The following TMEM132E variants were observed in gnomAD, a reference collection of about 807,000 sequenced individuals.
TMEM132E encodes transmembrane protein 132E.
TMEM132E carries 49 observed loss-of-function variants against 78.5 expected under a neutral mutation model. The observed-to-expected ratio is 0.62, with a 90% CI of 0.50 to 0.79. The LOEUF (loss-of-function observed/expected upper bound fraction) is 0.79. Among genes scored for constraint, TMEM132E ranks in the 30% least tolerant of loss-of-function variants. The probability of loss-of-function intolerance (pLI) is 0.00; values close to 1 mark genes in which losing one functional copy is unlikely to be tolerated. For synonymous variants in TMEM132E, 715 were observed against 670.6 expected (o/e 1.07, Z -1.02); for missense variants, 1,403 against 1,470.9 (o/e 0.95, Z 0.75).
At chr17:34,630,973 G>A (rs945305360) in intron 5 of TMEM132E, among the ~76,000 whole-genome samples, 3 of 152,220 alleles carry the variant, frequency 2.0e-5, no homozygotes, top group African/African-American at 7.2e-5. Context: ...AGAGTGGGCA[G>A]TGGTGTGAGC....
intron 1 of TMEM132E, among the ~76,000 whole-genome samples, chr17:34,586,157 C>G (rs1905669893): frequency 6.6e-6 from 1 of 152,156 alleles, no homozygotes; most frequent in African/African-American, 2.4e-5. Flanking sequence ...TCCCCTGATT[C>G]CTGCAGCCGA....
intron 1 of TMEM132E, among the ~76,000 whole-genome samples, chr17:34,615,519 G>A (rs1166754428): frequency 1.5e-5 from 2 of 134,890 alleles, no homozygotes; most frequent in African/African-American, 6.6e-5. Context: ...TGGCACAGAT[G>A]TGTGTGTGTG....
chr17:34,596,001 C>T (rs980857753), intron 1 of TMEM132E, among the ~76,000 whole-genome samples: 10 of 151,530 alleles, frequency 6.6e-5, no homozygotes, highest in African/African-American at 2.4e-4. Context: ...CCCTCCATTC[C>T]CCTCCCTCGG....
chr17:34,614,826 G>C (rs913278949), intron 1 of TMEM132E: 2 of 152,424 alleles, frequency 1.3e-5, no homozygotes, highest in African/African-American at 4.8e-5. Flanking sequence ...ACCCTATCCT[G>C]AACTACTCCT....
At chr17:34,620,905 AGCTGG>A (rs1291317165) in intron 1 of TMEM132E, among the ~76,000 whole-genome samples, 1 of 152,210 alleles carries the variant, frequency 6.6e-6, no homozygotes, top group Non-Finnish European at 1.5e-5. Flanking sequence ...CCTCCTGCAG[AGCTGG>A]TGAAGCCACT....
At chr17:34,585,573 C>T (rs1448043971) in intron 1 of TMEM132E, among the ~76,000 whole-genome samples, 2 of 152,206 alleles carry the variant, frequency 1.3e-5, no homozygotes, top group East Asian at 1.9e-4. Context: ...TGGCCAAGCT[C>T]ACTCTGCAAG....
chr17:34,594,848 C>T (rs999269976), intron 1 of TMEM132E, among the ~76,000 whole-genome samples: 10 of 152,320 alleles, frequency 6.6e-5, no homozygotes, highest in Middle Eastern at 3.4e-3. Context: ...GTGGTCCGCT[C>T]GCCTTAGTTT....
chr17:34,581,428 C>T (rs992232220), intron 1 of TMEM132E, among the ~76,000 whole-genome samples: 1 of 151,874 alleles, frequency 6.6e-6, no homozygotes, highest in Non-Finnish European at 1.5e-5. Context: ...GGGTCGTGTC[C>T]GCCCACGGAA....
At chr17:34,592,474 A>G (rs1476104851) in intron 1 of TMEM132E, among the ~76,000 whole-genome samples, 1 of 152,220 alleles carries the variant, frequency 6.6e-6, no homozygotes, top group Non-Finnish European at 1.5e-5. Flanking sequence ...AGTTTCTGAC[A>G]AGGAACACAG....
At chr17:34,602,320 C>T (rs1906269399) in intron 1 of TMEM132E, among the ~76,000 whole-genome samples, 1 of 152,206 alleles carries the variant, frequency 6.6e-6, no homozygotes, top group African/African-American at 2.4e-5. Flanking sequence ...ATATTGGGCA[C>T]AGGTCAGAGA....
At chr17:34,618,386 C>T (rs946586289) in intron 1 of TMEM132E, among the ~76,000 whole-genome samples, 3 of 150,124 alleles carry the variant, frequency 2.0e-5, no homozygotes, top group East Asian at 2.0e-4. Context: ...CACAGGTCCA[C>T]GTCTGGTGAT....
In TMEM132E at chr17:34,638,090, A is replaced by G. The variant is rs772334534; in HGVS notation, c.3083A>G (p.Tyr1028Cys). 7 of 1,594,024 alleles carry G rather than the reference A, an allele frequency of 4.4e-6. No homozygotes were observed. The East Asian group carries it at 1.6e-4, about 36-fold the overall frequency. ...ACGCTGCCGTCAGAGGAGCTGGCCT[A>G]TGACTCGGTGCCCGCGGGCGAAGAG... ...FTTLPSEELA[Y>C]DSVPAGEEDE... is the part of the protein sequence containing the mutation. The change falls in exon 9 of 9, where the codon TAT becomes TGT. Residue 1028 changes from tyrosine (Y) to cysteine (C), a missense_variant. Around this residue, in one of 3 missense-constraint regions of TMEM132E, gnomAD observed 888 missense variants for 952.8 expected, o/e 0.93. Transcript: ENST00000631683.
At chr17:34,612,986 C>A (rs1485266354) in intron 1 of TMEM132E, among the ~76,000 whole-genome samples, 2 of 151,994 alleles carry the variant, frequency 1.3e-5, no homozygotes, top group African/African-American at 4.8e-5. Context: ...ACCCCATGTC[C>A]CCCACCCTGC....
rs1183440493 is a variant in TMEM132E, at chr17:34,581,085, G to T, written c.9G>T (p.Pro3=). ...CCGCCCCCGCCTCGGCCATGGCCCC[G>T]GGGATGTCGGGCCGCGGCGGCGCCG... MA[P]GMSGRGGAAL... The change falls in exon 1 of 9, where the codon CCG becomes CCT. Residue 3 remains proline (P), a synonymous_variant. Coordinates refer to ENST00000631683, the MANE Select transcript of TMEM132E (RefSeq NM_001304438.2). 2 of 1,554,198 alleles carry T rather than the reference G, an allele frequency of 1.3e-6. No individual in the cohort carries two copies. Among genetic ancestry groups the T allele is most frequent in the Admixed American group, 1.9e-5 (1 of 53,300 alleles).
chr17:34,635,205 G>GCCC, intron 7 of TMEM132E, 118 bp downstream of exon 7: 1 of 1,194,928 alleles, frequency 8.4e-7, no homozygotes, highest in Non-Finnish European at 1.1e-6. Flanking sequence ...TTCCCTGCCT[G>GCCC]CCCCTTGTCT....
chr17:34,621,124 T>C (rs1338084298), intron 1 of TMEM132E, among the ~76,000 whole-genome samples: 1 of 152,166 alleles, frequency 6.6e-6, no homozygotes, highest in Non-Finnish European at 1.5e-5. Context: ...TCTCTACATT[T>C]TACTGGGGAA....
chr17:34,603,791 C>T (rs1329889036), intron 1 of TMEM132E, among the ~76,000 whole-genome samples: 2 of 152,204 alleles, frequency 1.3e-5, no homozygotes, highest in African/African-American at 4.8e-5. Context: ...GGGCCTCCAT[C>T]CCTGGCCATC....
At chr17:34,605,284 C>G (rs1381812527) in intron 1 of TMEM132E, among the ~76,000 whole-genome samples, 4 of 152,188 alleles carry the variant, frequency 2.6e-5, no homozygotes, top group African/African-American at 9.6e-5. Context: ...CCATGCGGTG[C>G]TTCAAAGCTG....
At chr17:34,599,817 G>A (rs1183233946) in intron 1 of TMEM132E, among the ~76,000 whole-genome samples, 1 of 152,188 alleles carries the variant, frequency 6.6e-6, no homozygotes, top group African/African-American at 2.4e-5. Context: ...TCCCAAGTGT[G>A]GTGGAGGGAG....
Sources: gnomAD v4.1 joint callset for allele counts (sites outside exome capture counted in the v4.1 genomes callset) on GRCh38, gnomAD v4.1.1 for gene constraint, gnomAD v4.1.1 regional missense constraint, MANE v1.5 for transcripts, NCBI Gene and HGNC (gene_info 2026-07-23, HGNC 2026-07-21) for gene names.